Variants in REC114 observed in about 807,000 individuals in gnomAD.
The protein encoded by REC114 is meiotic recombination protein REC114.
REC114 carries 27 observed loss-of-function variants against 31.3 expected under a neutral mutation model. The ratio of observed to expected loss-of-function variants is 0.86; its 90% confidence interval spans 0.64 to 1.19. REC114 has a LOEUF of 1.19. Among genes scored for constraint, REC114 ranks in the 50% most tolerant of loss-of-function variants. The pLI is 0.00. For missense variants in REC114, 344 were observed against 326.9 expected (o/e 1.05, Z -0.40); for synonymous variants, 134 against 127.7 (o/e 1.05, Z -0.33).
intron 4 of REC114, among the ~76,000 whole-genome samples, chr15:73,551,913 C>T (rs1427946935): frequency 1.3e-5 from 2 of 152,134 alleles, no homozygotes; most frequent in Admixed American, 1.3e-4. Context: ...CACAACTTCC[C>T]AACCCGGAAG....
chr15:73,489,476 G>C (rs1283728114), intron 2 of REC114, among the ~76,000 whole-genome samples: 2 of 151,846 alleles, frequency 1.3e-5, no homozygotes, highest in Admixed American at 1.3e-4. Context: ...AAACTGTTGG[G>C]ATTACAGGCG....
chr15:73,534,374 A>C (rs1316958492), intron 2 of REC114, among the ~76,000 whole-genome samples: 1 of 152,230 alleles, frequency 6.6e-6, no homozygotes. Flanking sequence ...CAGAAATACA[A>C]ACTACCATCA....
At chr15:73,495,451 G>A (rs143268728) in intron 2 of REC114, among the ~76,000 whole-genome samples, 106 of 149,184 alleles carry the variant, frequency 7.1e-4, no homozygotes, top group Non-Finnish European at 1.3e-3. Context: ...CCTCAGTGTC[G>A]TAACCCAAAA....
intron 5 of REC114, among the ~76,000 whole-genome samples, chr15:73,557,425 A>G (rs1178773935): frequency 2.0e-5 from 3 of 151,428 alleles, no homozygotes; most frequent in Non-Finnish European, 4.4e-5. Flanking sequence ...AAAAAAAAAA[A>G]AAAAAAAAGA....
chr15:73,498,621 G>GT lies in REC114; in HGVS notation c.249+24702dup, dbSNP rs1337493262. Reference sequence around the variant, plus strand: ...GGAAGAATAAATGAGTTTCTGCTTTGTTCAACATTTGTAACTAAAGAAAGA... The same window carrying GT: ...GGAAGAATAAATGAGTTTCTGCTTTGTTTCAACATTTGTAACTAAAGAAAGA... On this transcript the variant is annotated intron_variant, in intron 2 of 5. Transcript: ENST00000331090. Among the ~76,000 whole-genome samples the GT allele has an allele frequency of 2.0e-5, 3 of 152,006 alleles. No individual in the cohort carries two copies. The East Asian group carries it at 5.8e-4, about 29-fold the overall frequency.
chr15:73,489,963 T>C (rs1436672247), intron 2 of REC114, among the ~76,000 whole-genome samples: 1 of 152,192 alleles, frequency 6.6e-6, no homozygotes, highest in East Asian at 1.9e-4. Flanking sequence ...AAATGTGGAA[T>C]CTTTTGAGAG....
chr15:73,515,239 T>C (rs921227943), intron 2 of REC114, among the ~76,000 whole-genome samples: 3 of 152,140 alleles, frequency 2.0e-5, no homozygotes, highest in Admixed American at 6.6e-5. Context: ...CCAGATTTCT[T>C]TTTCTTTAGA....
chr15:73,474,289 AAAC>A (rs1458351615), intron 2 of REC114, among the ~76,000 whole-genome samples: 1 of 152,182 alleles, frequency 6.6e-6, no homozygotes, highest in Non-Finnish European at 1.5e-5. Context: ...GAAATAAAGA[AAAC>A]AAAAAGGTGT....
intron 3 of REC114, among the ~76,000 whole-genome samples, chr15:73,541,007 G>T (rs189654424): frequency 8.5e-5 from 13 of 152,212 alleles, no homozygotes. Context: ...CTTCATCAAA[G>T]AAACAGTCAT....
chr15:73,472,490 C>CCCCACG (rs1016411085), intron 1 of REC114, among the ~76,000 whole-genome samples: 1 of 152,164 alleles, frequency 6.6e-6, no homozygotes, highest in African/African-American at 2.4e-5. Context: ...ACGTATGAAA[C>CCCCACG]TATAAGAGCA....
At chr15:73,495,505 T>C (rs1457260521) in intron 2 of REC114, among the ~76,000 whole-genome samples, 1 of 147,666 alleles carries the variant, frequency 6.8e-6, no homozygotes, top group Non-Finnish European at 1.5e-5. Flanking sequence ...GCACTGCCAG[T>C]CTTAAAAAAA....
chr15:73,559,172 G>A (rs1299983302), intron 5 of REC114, among the ~76,000 whole-genome samples: 1 of 152,224 alleles, frequency 6.6e-6, no homozygotes, highest in African/African-American at 2.4e-5. Context: ...GTCACATAAA[G>A]GAATTTTTTT....
In REC114 at chr15:73,531,008, A is replaced by G. The variant is rs1894073019; in HGVS notation, c.250-9477A>G. Among the ~76,000 whole-genome samples the G allele has an allele frequency of 1.3e-5, 2 of 152,200 alleles. 1 individual carries two copies. Among genetic ancestry groups the G allele is most frequent in the Admixed American group, 1.3e-4 (2 of 15,278 alleles). ...CTGTTTTCCTCTGAATCAGGGTTTT[A>G]ACAGCAGGTGTGAACATTTAGAATT... On this transcript the variant is annotated intron_variant, in intron 2 of 5. Transcript: ENST00000331090.
At chr15:73,496,610 G>A (rs1385427809) in intron 2 of REC114, among the ~76,000 whole-genome samples, 3 of 146,800 alleles carry the variant, frequency 2.0e-5, no homozygotes, top group Non-Finnish European at 1.5e-5. Flanking sequence ...CTGAGATCAC[G>A]CAACTGCACT....
chr15:73,508,936 T>G (rs1294495826), intron 2 of REC114, among the ~76,000 whole-genome samples: 2 of 150,686 alleles, frequency 1.3e-5, no homozygotes, highest in Non-Finnish European at 3.0e-5. Flanking sequence ...GCAGCATGAT[T>G]TATAGTCATT....
At chr15:73,547,784 A>G (rs1894330165) in intron 3 of REC114, among the ~76,000 whole-genome samples, 1 of 152,222 alleles carries the variant, frequency 6.6e-6, no homozygotes, top group African/African-American at 2.4e-5. Context: ...TTCAAGATGG[A>G]TTAGAGACTT....
intron 3 of REC114, 38 bp downstream of exon 3, chr15:73,540,606 C>A: frequency 6.5e-7 from 1 of 1,545,446 alleles, no homozygotes; most frequent in Non-Finnish European, 8.9e-7. Context: ...TTCTCATCTT[C>A]TATGTGTGTA....
chr15:73,480,320 A>C (rs944278312), intron 2 of REC114, among the ~76,000 whole-genome samples: 1 of 151,428 alleles, frequency 6.6e-6, no homozygotes, highest in East Asian at 1.9e-4. Flanking sequence ...ACCCAGGCTT[A>C]ATAATAAATA....
chr15:73,550,901 G>T, intron 3 of REC114, 37 bp from the exon 4 acceptor site: 1 of 1,592,308 alleles, frequency 6.3e-7, no homozygotes, highest in Non-Finnish European at 8.6e-7. Flanking sequence ...GTTATATGAT[G>T]AGGGTCTCTC....
Sources: allele counts gnomAD v4.1 joint callset (sites outside exome capture counted in the v4.1 genomes callset), GRCh38; gene constraint gnomAD v4.1.1; transcripts MANE v1.5; gene names NCBI Gene and HGNC (gene_info 2026-07-23, HGNC 2026-07-21).